The following CLSTN2 variants were observed in gnomAD, a reference collection of about 807,000 sequenced individuals.
The protein encoded by CLSTN2 is calsyntenin 2.
A neutral mutation model predicts 101.2 loss-of-function variants in CLSTN2; 48 were observed. That is an observed-to-expected ratio of 0.47 (90% CI 0.38 to 0.60). CLSTN2 has a LOEUF of 0.60. CLSTN2 is among the 20% of genes least tolerant of loss of function. The pLI, the probability that CLSTN2 is intolerant of heterozygous loss-of-function variation, is 0.00. For missense variants in CLSTN2, 1,160 were observed against 1,238.2 expected (o/e 0.94, Z 0.95); for synonymous variants, 481 against 463.6 (o/e 1.04, Z -0.48).
At chr3:140,123,083 T>G (rs766486477) in intron 1 of CLSTN2, among the ~76,000 whole-genome samples, 6 of 146,600 alleles carry the variant, frequency 4.1e-5, no homozygotes, top group Non-Finnish European at 8.9e-5. Flanking sequence ...AAGTCCAAGA[T>G]GAAGGTGCTG....
intron 2 of CLSTN2, among the ~76,000 whole-genome samples, chr3:140,317,561 C>G (rs1011139869): frequency 1.3e-5 from 2 of 152,174 alleles, no homozygotes; most frequent in African/African-American, 4.8e-5. Flanking sequence ...TCAAGATTCA[C>G]CAACCTCTCC....
chr3:140,538,219 T>C (rs80283735), intron 9 of CLSTN2, among the ~76,000 whole-genome samples: 1 of 152,322 alleles, frequency 6.6e-6, no homozygotes, highest in African/African-American at 2.4e-5. Context: ...TCCAGTGTCA[T>C]GGGTTGTAAC....
At chr3:140,259,170 G>GAAA (rs5852973) in intron 2 of CLSTN2, among the ~76,000 whole-genome samples, 1 of 147,572 alleles carries the variant, frequency 6.8e-6, no homozygotes. Flanking sequence ...ATAATTGATT[G>GAAA]AAAAAAAAAA....
chr3:140,240,168 CTCTCTCTATATATA>C (rs1371619930), intron 2 of CLSTN2, among the ~76,000 whole-genome samples: 6 of 17,232 alleles, frequency 3.5e-4, no homozygotes, highest in East Asian at 0.017. Context: ...CTCTCTCTCT[CTCTCTCTATATATA>C]TATATATATA....
intron 1 of CLSTN2, among the ~76,000 whole-genome samples, chr3:140,105,683 C>T (rs758867386): frequency 8.5e-5 from 13 of 152,178 alleles, no homozygotes; most frequent in African/African-American, 1.7e-4. Flanking sequence ...ATCAGACCCC[C>T]GGCACCATGG....
intron 8 of CLSTN2, among the ~76,000 whole-genome samples, chr3:140,529,641 T>C (rs1307198652): frequency 6.6e-6 from 1 of 152,198 alleles, no homozygotes; most frequent in Non-Finnish European, 1.5e-5. Context: ...AAACCCTAAT[T>C]AGGCATTTCC....
chr3:140,441,979 C>T (rs578010488), intron 5 of CLSTN2, among the ~76,000 whole-genome samples: 44 of 152,330 alleles, frequency 2.9e-4, no homozygotes, highest in Non-Finnish European at 4.6e-4. Flanking sequence ...CTGAATGGCA[C>T]CACTTGAACC....
intron 2 of CLSTN2, among the ~76,000 whole-genome samples, chr3:140,328,273 A>G (rs563015699): frequency 1.4e-4 from 22 of 152,282 alleles, no homozygotes; most frequent in Non-Finnish European, 2.8e-4. Context: ...GAGAAGGACC[A>G]CACACCACGA....
intron 1 of CLSTN2, among the ~76,000 whole-genome samples, chr3:140,010,118 G>C (rs1051999188): frequency 2.0e-5 from 3 of 152,084 alleles, no homozygotes; most frequent in South Asian, 2.1e-4. Flanking sequence ...GCTTATTACC[G>C]TCTTTCCAGC....
At chr3:140,524,068 A>G (rs349565) in intron 8 of CLSTN2, among the ~76,000 whole-genome samples, 39,134 of 152,144 alleles carry the variant, frequency 0.26, 6,828 homozygotes, top group African/African-American at 0.48. Flanking sequence ...AGAACTGTGC[A>G]GTAAAGGAAG....
chr3:140,283,424 C>T (rs1192307513), intron 2 of CLSTN2, among the ~76,000 whole-genome samples: 2 of 152,184 alleles, frequency 1.3e-5, no homozygotes, highest in Non-Finnish European at 2.9e-5. Flanking sequence ...GGGACCAGAA[C>T]AGGTGATTCA....
chr3:140,383,149 A>G (rs1707887718), intron 2 of CLSTN2, among the ~76,000 whole-genome samples: 1 of 152,214 alleles, frequency 6.6e-6, no homozygotes, highest in Non-Finnish European at 1.5e-5. Context: ...GGAGAAATGA[A>G]GAAAATCTAA....
chr3:140,330,956 G>A (rs923241675), intron 2 of CLSTN2, among the ~76,000 whole-genome samples: 1 of 152,156 alleles, frequency 6.6e-6, no homozygotes, highest in Non-Finnish European at 1.5e-5. Context: ...TATCTATATA[G>A]AAAAGGGAAT....
intron 1 of CLSTN2, among the ~76,000 whole-genome samples, chr3:140,075,805 G>A (rs969627036): frequency 6.6e-6 from 1 of 152,018 alleles, no homozygotes; most frequent in Non-Finnish European, 1.5e-5. Flanking sequence ...ATGTGAACAA[G>A]TTGGTGTTCG....
chr3:140,022,511 A>T (rs2007338931), intron 1 of CLSTN2, among the ~76,000 whole-genome samples: 1 of 152,196 alleles, frequency 6.6e-6, no homozygotes, highest in South Asian at 2.1e-4. Flanking sequence ...CAGACAGCAC[A>T]AATGCTGTGA....
At chr3:140,230,052 C>A (rs1203541154) in intron 2 of CLSTN2, among the ~76,000 whole-genome samples, 7 of 152,084 alleles carry the variant, frequency 4.6e-5, no homozygotes, top group Non-Finnish European at 8.8e-5. Context: ...CTTGAGGTAT[C>A]TTTCTGATTC....
chr3:140,239,012 G>A (rs910772861), intron 2 of CLSTN2, among the ~76,000 whole-genome samples: 2 of 152,162 alleles, frequency 1.3e-5, no homozygotes, highest in Non-Finnish European at 2.9e-5. Flanking sequence ...GAAAATACAA[G>A]TGACACATGG....
At chr3:140,135,081 CAA>C (rs1171033076) in intron 1 of CLSTN2, among the ~76,000 whole-genome samples, 6,501 of 60,644 alleles carry the variant, frequency 0.11, 338 homozygotes, top group African/African-American at 0.19. Flanking sequence ...TGATGCCTCT[CAA>C]AAAAACACAC....
chr3:140,173,556 C>G (rs2010272433), intron 1 of CLSTN2, among the ~76,000 whole-genome samples: 1 of 152,202 alleles, frequency 6.6e-6, no homozygotes, highest in South Asian at 2.1e-4. Flanking sequence ...GGGCTCCGAC[C>G]CCACATTTCC....
Sources: allele counts gnomAD v4.1 joint callset (sites outside exome capture counted in the v4.1 genomes callset), GRCh38; gene constraint gnomAD v4.1.1; transcripts MANE v1.5; gene names NCBI Gene and HGNC (gene_info 2026-07-23, HGNC 2026-07-21).